Variants in TUBGCP2 observed in about 807,000 individuals in gnomAD.
TUBGCP2 encodes tubulin gamma complex component 2.
In TUBGCP2, 55 loss-of-function variants were observed where a neutral mutation model predicts 92.2. The observed-to-expected ratio is 0.60, with a 90% CI of 0.48 to 0.75. The LOEUF (loss-of-function observed/expected upper bound fraction) is 0.75, where lower values mean the gene tolerates loss of function less well. TUBGCP2 is among the 30% of genes least tolerant of loss of function. The pLI is 0.00. For missense variants in TUBGCP2, 1,093 were observed against 1,188.9 expected (o/e 0.92, Z 1.19); for synonymous variants, 533 against 505.2 (o/e 1.06, Z -0.74).
chr10:133,300,166 A>T (rs1847608298), intron 2 of TUBGCP2, 53 bp from the exon 3 acceptor site: 1 of 1,555,712 alleles, frequency 6.4e-7, no homozygotes, highest in Non-Finnish European at 8.7e-7. Context: ...AAAGCACTGT[A>T]AAAAAAAACC....
intron 8 of TUBGCP2, among the ~76,000 whole-genome samples, chr10:133,292,053 C>CTCCGTGTCCCT (rs1474951020): frequency 8.4e-5 from 1 of 11,898 alleles, no homozygotes; most frequent in Non-Finnish European, 2.1e-4. Context: ...CTCCGTGTCC[C>CTCCGTGTCCCT]CCATGTCCCT....
chr10:133,281,466 T>C, intron 16 of TUBGCP2, 30 bp from the exon 17 acceptor site: 7 of 1,604,608 alleles, frequency 4.4e-6, no homozygotes, highest in Non-Finnish European at 5.9e-6. Context: ...GCGTGAGCCA[T>C]GCCCACCCCC....
chr10:133,292,951 G>A lies in TUBGCP2; in HGVS notation c.1024+88C>T, dbSNP rs571262546. The stretch of plus-strand genomic sequence containing the variant: ...CCCCTGCCCTGGGCAGCTGCTCCAC[G>A]GCCCCTGCAGAGTCTCTCCTCACAC... On this transcript the variant is annotated intron_variant, in intron 7 of 17. Coordinates refer to ENST00000252936, the MANE Select transcript of TUBGCP2 (RefSeq NM_006659.4). 383 of 1,436,142 alleles carry A rather than the reference G, an allele frequency of 2.7e-4. 1 individual carries two copies. The highest frequency in any genetic ancestry group is 9.5e-4 in the Admixed American group (48 of 50,788). The allele number at this position is 1,436,142 out of a possible 1,614,324, so 89.0% of individuals were successfully genotyped here.
chr10:133,301,729 T>C (rs1431608276), intron 2 of TUBGCP2: 2 of 120,280 alleles, frequency 1.7e-5, no homozygotes, highest in Non-Finnish European at 3.4e-5. Context: ...TTTTTTTTTT[T>C]TGAGACAGAG....
At chr10:133,296,199 A>C (rs192844269) in intron 5 of TUBGCP2, among the ~76,000 whole-genome samples, 232 of 152,272 alleles carry the variant, frequency 1.5e-3, no homozygotes, top group African/African-American at 5.3e-3. Flanking sequence ...TCTTTTGTAC[A>C]ACCCCTTCCC....
upstream of TUBGCP2, chr10:133,309,875 C>T (rs1184133666): frequency 1.2e-6 from 2 of 1,613,852 alleles, no homozygotes. Context: ...GAAATGTTTG[C>T]TCCTTTTGCA....
rs575398935 is a variant in TUBGCP2 at position 133,281,847 on chromosome 10, G to A, written c.2409+376C>T. Reference sequence around the variant, plus strand: ...CCCACCATGCCACCCCGGAGCCGGCGCCGCAGGGCCATGCCTCCGAGGACA... The same window carrying A: ...CCCACCATGCCACCCCGGAGCCGGCACCGCAGGGCCATGCCTCCGAGGACA... On this transcript the variant is annotated intron_variant, in intron 16 of 17. Transcript: ENST00000252936. Among the ~76,000 whole-genome samples the A allele has an allele frequency of 2.5e-4, 38 of 152,370 alleles. 1 individual carries two copies. The South Asian group carries it at 6.6e-3, about 27-fold the overall frequency.
At chr10:133,308,921 T>C (rs1847905310), upstream of TUBGCP2, 2 of 1,214,144 alleles carry the variant, frequency 1.6e-6, no homozygotes, top group South Asian at 4.1e-5. Context: ...GCCGACAGGC[T>C]GCGCCCGCCC....
At chr10:133,280,982 G>A (rs1846956736) in intron 17 of TUBGCP2, among the ~76,000 whole-genome samples, 1 of 150,766 alleles carries the variant, frequency 6.6e-6, no homozygotes, top group African/African-American at 2.4e-5. Context: ...GCAGGTGCTG[G>A]ACTGAGCTGA....
chr10:133,302,559 G>A (rs371509918), intron 2 of TUBGCP2: 2 of 522,410 alleles, frequency 3.8e-6, no homozygotes, highest in Non-Finnish European at 3.4e-6. Flanking sequence ...CATGGACTGA[G>A]GGGTGGGTTC....
Position 133,293,644 on chromosome 10 carries a change from C to T in TUBGCP2, c.742G>A (p.Val248Met), listed in dbSNP as rs910229187. The T allele has an allele frequency of 6.9e-6, 11 of 1,583,436 alleles. No homozygotes were observed. Among genetic ancestry groups the T allele is most frequent in the Middle Eastern group, 1.7e-4 (1 of 6,050 alleles). ...LAGRQSRTFL[V>M]DPNLDLSIRE... ...ATGGACAGGTCCAGGTTGGGGTCCACGAGGAAGGTCCGGCTCTGCCTCCCA... is the reference window on the plus strand; with the variant it reads ...ATGGACAGGTCCAGGTTGGGGTCCATGAGGAAGGTCCGGCTCTGCCTCCCA... The change falls in exon 6 of 18, where the codon GTG (valine) becomes ATG (methionine). Residue 248 changes from valine to methionine, a missense_variant. Val to Met is a conservative substitution (Grantham distance 21, BLOSUM62 1). Coordinates refer to ENST00000252936, the MANE Select transcript of TUBGCP2 (RefSeq NM_006659.4).
chr10:133,294,509 G>C (rs950830589), intron 5 of TUBGCP2, among the ~76,000 whole-genome samples: 2 of 152,206 alleles, frequency 1.3e-5, no homozygotes, highest in African/African-American at 4.8e-5. Context: ...CATCTGCTGG[G>C]AAGTGTCCTG....
upstream of TUBGCP2, chr10:133,312,217 T>C (rs1848007463): frequency 7.2e-7 from 1 of 1,391,860 alleles, no homozygotes; most frequent in Non-Finnish European, 9.3e-7. Context: ...GTTTCTAGCG[T>C]CACCTGTGCC....
rs200444770 is a variant in TUBGCP2, at chr10:133,279,829, G to C, written c.2646C>G (p.Pro882=). 13 of 1,595,454 alleles carry C rather than the reference G, an allele frequency of 8.1e-6. No individual in the cohort carries two copies. Among genetic ancestry groups the C allele is most frequent in the South Asian group, 6.8e-5 (6 of 88,540 alleles). ...GGGGCCCCCGCAGGACAGGCACTTGGGGGGTGGCCTTCTGGCTCCTCTCTG... is the reference window on the plus strand; with the variant it reads ...GGGGCCCCCGCAGGACAGGCACTTGCGGGGTGGCCTTCTGGCTCCTCTCTG... The part of the protein sequence containing the change: ...LSAERSQKAT[P]QVPVLRGPPA... Residue 882 remains proline (P), a synonymous_variant, in exon 18 of 18, where the codon CCC becomes CCG. Coordinates refer to ENST00000252936, the MANE Select transcript of TUBGCP2 (RefSeq NM_006659.4).
chr10:133,300,881 A>G (rs1413967819), intron 2 of TUBGCP2, among the ~76,000 whole-genome samples: 1 of 151,574 alleles, frequency 6.6e-6, no homozygotes, highest in Non-Finnish European at 1.5e-5. Flanking sequence ...ATGCTGCTTC[A>G]GGTTTGTACT....
intron 8 of TUBGCP2, chr10:133,291,073 A>G (rs1210500123): frequency 4.3e-6 from 1 of 234,420 alleles, no homozygotes. Context: ...GAAGGACCTA[A>G]TTGGAGGCAA....
At chr10:133,282,780 G>T (rs1027418434) in intron 15 of TUBGCP2, among the ~76,000 whole-genome samples, 2 of 152,194 alleles carry the variant, frequency 1.3e-5, no homozygotes, top group African/African-American at 4.8e-5. Context: ...AATAGCTCAA[G>T]TGCTGAGGAA....
intron 1 of TUBGCP2, among the ~76,000 whole-genome samples, chr10:133,303,627 G>A (rs760190219): frequency 3.9e-5 from 6 of 152,232 alleles, no homozygotes; most frequent in Non-Finnish European, 5.9e-5. Flanking sequence ...AGCTTCTACC[G>A]GAGAGGCCCA....
At chr10:133,293,342 G>A (rs967427115) in intron 6 of TUBGCP2, 104 bp from the exon 7 acceptor site, 20 of 1,384,218 alleles carry the variant, frequency 1.4e-5, no homozygotes, top group Admixed American at 7.3e-5. Context: ...TGACTCACTT[G>A]AACCCCACAT....
Sources: allele counts gnomAD v4.1 joint callset (sites outside exome capture counted in the v4.1 genomes callset), GRCh38; gene constraint gnomAD v4.1.1; transcripts MANE v1.5; gene names NCBI Gene and HGNC (gene_info 2026-07-23, HGNC 2026-07-21).